The following PITPNC1 variants were observed in gnomAD, a reference collection of about 807,000 sequenced individuals.
PITPNC1 encodes cytoplasmic phosphatidylinositol transfer protein 1.
PITPNC1 carries 18 observed loss-of-function variants against 44.7 expected under a neutral mutation model. The observed-to-expected ratio is 0.40, with a 90% confidence interval of 0.28 to 0.60. The LOEUF (loss-of-function observed/expected upper bound fraction) is 0.60, where lower values mean the gene tolerates loss of function less well. Among genes scored for constraint, PITPNC1 ranks in the 20% least tolerant of loss-of-function variants. PITPNC1 has a pLI of 0.39. For missense variants in PITPNC1, 290 were observed against 418.4 expected (o/e 0.69, Z 2.68); for synonymous variants, 141 against 149.6 (o/e 0.94, Z 0.42).
intron 1 of PITPNC1, among the ~76,000 whole-genome samples, chr17:67,433,441 T>C (rs1192783486): frequency 6.6e-6 from 1 of 151,974 alleles, no homozygotes; most frequent in Non-Finnish European, 1.5e-5. Context: ...GGGCAGAAGA[T>C]AGAACAGAGA....
At chr17:67,487,426 C>T (rs1192730118) in intron 1 of PITPNC1, among the ~76,000 whole-genome samples, 7 of 152,144 alleles carry the variant, frequency 4.6e-5, no homozygotes, top group East Asian at 1.9e-4. Context: ...CCACCCACCT[C>T]GGCCTCCCAA....
intron 1 of PITPNC1, among the ~76,000 whole-genome samples, chr17:67,451,770 C>T (rs980728947): frequency 2.0e-5 from 3 of 152,098 alleles, no homozygotes; most frequent in East Asian, 1.9e-4. Context: ...TCCAGGGTAG[C>T]GGGCACTACA....
At chr17:67,602,583 C>G (rs1053111418) in intron 5 of PITPNC1, among the ~76,000 whole-genome samples, 1 of 152,064 alleles carries the variant, frequency 6.6e-6, no homozygotes, top group Non-Finnish European at 1.5e-5. Context: ...GGGCATGGTC[C>G]AGAGAGTTCA....
chr17:67,460,928 G>T (rs907683182), intron 1 of PITPNC1, among the ~76,000 whole-genome samples: 1 of 151,278 alleles, frequency 6.6e-6, no homozygotes, highest in Admixed American at 6.6e-5. Context: ...TTTTAGTAGA[G>T]ATGAGGTTTC....
intron 5 of PITPNC1, among the ~76,000 whole-genome samples, chr17:67,603,068 G>T (rs1289606836): frequency 1.3e-5 from 2 of 152,138 alleles, no homozygotes; most frequent in African/African-American, 4.8e-5. Context: ...ACCAGAGCCA[G>T]TGGGTTCATT....
intron 6 of PITPNC1, among the ~76,000 whole-genome samples, chr17:67,647,876 G>A (rs558982934): frequency 2.5e-4 from 38 of 152,126 alleles, no homozygotes; most frequent in African/African-American, 8.9e-4. Context: ...GGTGCTCCCG[G>A]GCATGGTAAA....
chr17:67,630,873 G>A (rs373907691), intron 5 of PITPNC1, among the ~76,000 whole-genome samples: 7 of 151,190 alleles, frequency 4.6e-5, no homozygotes, highest in South Asian at 4.2e-4. Flanking sequence ...CATCACGCCC[G>A]GCTAATTTTT....
intron 1 of PITPNC1, among the ~76,000 whole-genome samples, chr17:67,499,162 C>T (rs2039995954): frequency 1.3e-5 from 2 of 152,006 alleles, no homozygotes. Context: ...GCATGAGCCA[C>T]GTGCCCAGCC....
rs544139955 is a variant in PITPNC1 at position 67,426,686 on chromosome 17, G to T, written c.48+48484G>T. On this transcript the variant is annotated intron_variant, in intron 1 of 8. Transcript: ENST00000581322. ...ACCACCATGGCACACATATACCTAT[G>T]TAACAAAACTGCTCATTCTGCACAT... 3.3e-5 allele frequency among the ~76,000 whole-genome samples: 5 copies of T among 151,962 alleles called. No individual in the cohort carries two copies. The East Asian group carries it at 9.7e-4, about 29-fold the overall frequency.
At chr17:67,463,191 A>C (rs2039369403) in intron 1 of PITPNC1, among the ~76,000 whole-genome samples, 1 of 4,456 alleles carries the variant, frequency 2.2e-4, no homozygotes, top group South Asian at 1.6e-3. Flanking sequence ...AGACTTATAA[A>C]TACTTCTGCA....
intron 1 of PITPNC1, among the ~76,000 whole-genome samples, chr17:67,385,881 A>G (rs962923744): frequency 2.6e-5 from 4 of 152,210 alleles, no homozygotes; most frequent in African/African-American, 7.2e-5. Flanking sequence ...GACTCTGTCC[A>G]TGAAGGAAGC....
intron 1 of PITPNC1, among the ~76,000 whole-genome samples, chr17:67,394,748 G>T (rs1243078761): frequency 1.3e-5 from 2 of 152,100 alleles, no homozygotes; most frequent in African/African-American, 4.8e-5. Flanking sequence ...CAAAATATTA[G>T]CCAGGCGTGG....
chr17:67,378,103 T>A lies in PITPNC1; in HGVS notation c.-52T>A. 1 of 1,378,614 alleles carries A rather than the reference T, an allele frequency of 7.3e-7. No homozygotes were observed. The highest frequency in any genetic ancestry group is 2.2e-5 in the Admixed American group (1 of 45,612). 85.4% of individuals were successfully genotyped at this position (1,378,614 alleles called of 1,614,324 possible). ...TGCGCCTGGGCAGCAGCCTTGCTGG[T>A]CTTGGGGGCGCCCCCCGCTTCCCGC... On this transcript the variant is annotated 5_prime_UTR_variant, in exon 1 of 9. Transcript: ENST00000581322.
chr17:67,480,283 A>G (rs2039684968), intron 1 of PITPNC1, among the ~76,000 whole-genome samples: 1 of 152,224 alleles, frequency 6.6e-6, no homozygotes, highest in South Asian at 2.1e-4. Context: ...TATCTCGCAG[A>G]CAGAATGACT....
intron 6 of PITPNC1, chr17:67,638,770 C>A (rs1053549248): frequency 2.0e-5 from 3 of 151,982 alleles, no homozygotes; most frequent in African/African-American, 7.3e-5. Flanking sequence ...AAAGTGGATA[C>A]GGCATGTTAT....
chr17:67,571,508 C>G (rs955076825), intron 4 of PITPNC1, among the ~76,000 whole-genome samples: 1 of 152,138 alleles, frequency 6.6e-6, no homozygotes, highest in Non-Finnish European at 1.5e-5. Flanking sequence ...GAGTTGGAAC[C>G]CAGGCTAGCT....
At chr17:67,389,557 G>T (rs1476763607) in intron 1 of PITPNC1, among the ~76,000 whole-genome samples, 2 of 152,308 alleles carry the variant, frequency 1.3e-5, no homozygotes, top group East Asian at 1.9e-4. Context: ...CACTGGAGAG[G>T]TTTTATTGCC....
intron 1 of PITPNC1, among the ~76,000 whole-genome samples, chr17:67,446,333 G>A (rs1428267580): frequency 6.6e-6 from 1 of 151,558 alleles, no homozygotes; most frequent in Non-Finnish European, 1.5e-5. Flanking sequence ...TGCCTCTTCA[G>A]GACTTTCTAA....
intron 1 of PITPNC1, among the ~76,000 whole-genome samples, chr17:67,506,253 T>C (rs1326378948): frequency 7.9e-5 from 12 of 152,184 alleles, no homozygotes; most frequent in Admixed American, 7.9e-4. Flanking sequence ...GAAAAGGAAA[T>C]GAAGAAAAGG....
Sources: gnomAD v4.1 joint callset for allele counts (sites outside exome capture counted in the v4.1 genomes callset) on GRCh38, gnomAD v4.1.1 for gene constraint, MANE v1.5 for transcripts, NCBI Gene and HGNC (gene_info 2026-07-23, HGNC 2026-07-21) for gene names.